Variants in PTK2B observed in about 807,000 individuals in gnomAD.
The protein encoded by PTK2B is protein tyrosine kinase 2 beta, also known as protein-tyrosine kinase 2-beta.
A neutral mutation model predicts 142.9 loss-of-function variants in PTK2B; 71 were observed. The ratio of observed to expected loss-of-function variants is 0.50; its 90% CI spans 0.41 to 0.61. PTK2B has a LOEUF of 0.61. PTK2B is among the 20% of genes least tolerant of loss of function. PTK2B has a pLI of 0.00. For missense variants in PTK2B, 1,105 were observed against 1,320.4 expected (o/e 0.84, Z 2.53); for synonymous variants, 519 against 503.4 (o/e 1.03, Z -0.42).
intron 1 of PTK2B, among the ~76,000 whole-genome samples, chr8:27,371,818 G>C (rs919229027): frequency 2.0e-5 from 3 of 152,204 alleles, no homozygotes; most frequent in Non-Finnish European, 2.9e-5. Flanking sequence ...AAAGTGCTGA[G>C]ATTTCAGGCA....
At chr8:27,351,038 TA>T (rs1805060461) in intron 1 of PTK2B, among the ~76,000 whole-genome samples, 1 of 98,436 alleles carries the variant, frequency 1.0e-5, no homozygotes, top group African/African-American at 4.5e-5. Context: ...TATATATATA[TA>T]TACGTGCTTG....
rs189868873 is a variant in PTK2B at position 27,360,882 on chromosome 8, C to G, written c.-38+35201C>G. ...CAACCAGGAAGGGCCCCCAATTATT[C>G]TCGAAATAAAACGTGTCGGTCTTTC... On this transcript the variant is annotated intron_variant, in intron 1 of 30. Coordinates refer to ENST00000346049, the MANE Select transcript of PTK2B (RefSeq NM_173176.3). Among the ~76,000 whole-genome samples, 5 of 152,268 alleles carry G rather than the reference C, an allele frequency of 3.3e-5. No homozygotes were observed. In the East Asian group the frequency reaches 9.7e-4, roughly 30 times the overall value.
intron 5 of PTK2B, among the ~76,000 whole-genome samples, chr8:27,428,291 C>T (rs981556568): frequency 6.6e-6 from 1 of 152,220 alleles, no homozygotes; most frequent in Non-Finnish European, 1.5e-5. Context: ...CTGCTCACAT[C>T]CTGCTCTGTG....
chr8:27,329,547 C>T (rs1169132161), intron 1 of PTK2B, among the ~76,000 whole-genome samples: 1 of 152,164 alleles, frequency 6.6e-6, no homozygotes, highest in Non-Finnish European at 1.5e-5. Context: ...GACCATGTGA[C>T]CCTGGCCTCC....
intron 21 of PTK2B, among the ~76,000 whole-genome samples, chr8:27,441,414 G>A (rs1336243597): frequency 6.6e-6 from 1 of 152,154 alleles, no homozygotes; most frequent in African/African-American, 2.4e-5. Flanking sequence ...TAGGGAGTCT[G>A]GAACTTAATT....
At chr8:27,356,001 C>A (rs13282373) in intron 1 of PTK2B, among the ~76,000 whole-genome samples, 57,072 of 149,552 alleles carry the variant, frequency 0.38, 11,921 homozygotes, top group Non-Finnish European at 0.48. Context: ...CCAGCCCAGG[C>A]GACAGTGCAA....
intron 1 of PTK2B, among the ~76,000 whole-genome samples, chr8:27,343,099 C>T (rs1804507626): frequency 6.6e-6 from 1 of 152,166 alleles, no homozygotes; most frequent in African/African-American, 2.4e-5. Context: ...AGGGATCTAC[C>T]ACCCCCAGAG....
At chr8:27,436,216 T>C in intron 14 of PTK2B, 35 bp from the exon 15 acceptor site, 1 of 1,605,718 alleles carries the variant, frequency 6.2e-7, no homozygotes, top group Admixed American at 1.7e-5. Flanking sequence ...ACCACCGATC[T>C]CTGTGATCTG....
upstream of PTK2B, among the ~76,000 whole-genome samples, chr8:27,321,205 A>G (rs1803208405): frequency 6.6e-6 from 1 of 151,878 alleles, no homozygotes; most frequent in Non-Finnish European, 1.5e-5. Context: ...CACGTTGGCC[A>G]GGCTGGCCTC....
chr8:27,347,193 A>G (rs1207959908), intron 1 of PTK2B, among the ~76,000 whole-genome samples: 9 of 144,726 alleles, frequency 6.2e-5, no homozygotes, highest in Non-Finnish European at 1.4e-4. Context: ...CCTGGCCAAC[A>G]TGGTGAAACC....
intron 2 of PTK2B, among the ~76,000 whole-genome samples, chr8:27,398,381 G>A (rs764246832): frequency 6.6e-6 from 1 of 152,178 alleles, no homozygotes; most frequent in Non-Finnish European, 1.5e-5. Flanking sequence ...CTTCATCAGG[G>A]CACCTGGACA....
chr8:27,384,289 C>T (rs1807211288), intron 1 of PTK2B, among the ~76,000 whole-genome samples: 1 of 152,240 alleles, frequency 6.6e-6, no homozygotes, highest in South Asian at 2.1e-4. Context: ...AGCCACTGTG[C>T]CCAGCCAAGA....
chr8:27,339,256 T>A (rs1804249271), intron 1 of PTK2B, among the ~76,000 whole-genome samples: 1 of 152,168 alleles, frequency 6.6e-6, no homozygotes, highest in South Asian at 2.1e-4. Flanking sequence ...TAACAAGGAT[T>A]TTCTTGGGTG....
At chr8:27,340,551 C>T (rs1273579290) in intron 1 of PTK2B, among the ~76,000 whole-genome samples, 1 of 152,166 alleles carries the variant, frequency 6.6e-6, no homozygotes, top group Non-Finnish European at 1.5e-5. Flanking sequence ...TCTCCGGTGA[C>T]AGGAAGCAAT....
rs1039600585 is a variant in PTK2B, at chr8:27,430,935, G to A, written c.729G>A (p.Glu243=). The A allele has an allele frequency of 3.7e-6, 6 of 1,614,092 alleles. No individual in the cohort carries two copies. Among genetic ancestry groups the A allele is most frequent in the Admixed American group, 3.3e-5 (2 of 60,010 alleles). ...TCCAGCAGTACGCCTCGCTCAGGGA[G>A]GAGGAGTGCGTCATGAAGTTCTTCA... ...QTFQQYASLR[E]EECVMKFFNT... Residue 243 remains glutamate, a synonymous_variant, in exon 8 of 31, where the codon GAG becomes GAA. Coordinates refer to ENST00000346049, the MANE Select transcript of PTK2B (RefSeq NM_173176.3).
intron 22 of PTK2B, among the ~76,000 whole-genome samples, chr8:27,443,261 A>C (rs1354074858): frequency 6.6e-6 from 1 of 152,186 alleles, no homozygotes; most frequent in East Asian, 1.9e-4. Context: ...CTTAGGAACA[A>C]ATGAGATCCC....
intron 3 of PTK2B, among the ~76,000 whole-genome samples, chr8:27,317,729 A>G (rs1383911401): frequency 1.3e-5 from 2 of 152,226 alleles, no homozygotes; most frequent in Non-Finnish European, 1.5e-5. Flanking sequence ...CATTTGCCAC[A>G]GTTCCTATCC....
intron 1 of PTK2B, among the ~76,000 whole-genome samples, chr8:27,395,267 A>G (rs562524288): frequency 6.6e-6 from 1 of 152,214 alleles, no homozygotes; most frequent in East Asian, 1.9e-4. Context: ...CACATGAGTC[A>G]TGCGTTGTGC....
chr8:27,429,567 C>T (rs1803811566), intron 5 of PTK2B, among the ~76,000 whole-genome samples: 1 of 152,270 alleles, frequency 6.6e-6, no homozygotes, highest in African/African-American at 2.4e-5. Context: ...TTAATAGCTG[C>T]CTCCTCTGGT....
Sources: gnomAD v4.1 joint callset for allele counts (sites outside exome capture counted in the v4.1 genomes callset) on GRCh38, gnomAD v4.1.1 for gene constraint, MANE v1.5 for transcripts, NCBI Gene and HGNC (gene_info 2026-07-23, HGNC 2026-07-21) for gene names.